ETFA: variants seen among roughly 807,000 people sequenced by gnomAD.
The protein encoded by ETFA is electron transfer flavoprotein subunit alpha, also known as electron transfer flavoprotein subunit alpha, mitochondrial.
Under a neutral mutation model 46.2 loss-of-function variants are expected in ETFA, and 22 were observed. The observed-to-expected ratio is 0.48, with a 90% CI of 0.34 to 0.68. The LOEUF is 0.68. ETFA is among the 30% of genes least tolerant of loss of function. The pLI, the probability that ETFA is intolerant of heterozygous loss-of-function variation, is 0.01. For missense variants in ETFA, 345 were observed against 401.1 expected (o/e 0.86, Z 1.19); for synonymous variants, 131 against 139.9 (o/e 0.94, Z 0.45).
chr15:76,254,281 T>C (rs1213673271), intron 9 of ETFA, among the ~76,000 whole-genome samples: 1 of 152,152 alleles, frequency 6.6e-6, no homozygotes, highest in Non-Finnish European at 1.5e-5. Context: ...ACAAACTCTG[T>C]ACATACACTC....
intron 4 of ETFA, among the ~76,000 whole-genome samples, 197 bp from the exon 5 acceptor site, chr15:76,288,142 T>C (rs1006716528): frequency 6.6e-6 from 1 of 152,230 alleles, no homozygotes; most frequent in Non-Finnish European, 1.5e-5. Flanking sequence ...TTACCATTAC[T>C]CTAACTACAT....
intron 9 of ETFA, among the ~76,000 whole-genome samples, chr15:76,252,680 G>A (rs2039310051): frequency 6.6e-6 from 1 of 152,136 alleles, no homozygotes; most frequent in South Asian, 2.1e-4. Context: ...TAGGCTAACT[G>A]ATAAAACTGG....
At chr15:76,270,932 G>A (rs993046913) in intron 9 of ETFA, among the ~76,000 whole-genome samples, 2 of 152,164 alleles carry the variant, frequency 1.3e-5, no homozygotes, top group Non-Finnish European at 2.9e-5. Context: ...CACTTTGGGA[G>A]ACCAAGGTGG....
At chr15:76,250,131 A>G (rs558566044) in intron 9 of ETFA, among the ~76,000 whole-genome samples, 2 of 152,354 alleles carry the variant, frequency 1.3e-5, no homozygotes, top group East Asian at 1.9e-4. Context: ...TGATAAATTC[A>G]TATAATAGAA....
chr15:76,288,510 A>G (rs1309812844), intron 4 of ETFA, among the ~76,000 whole-genome samples: 1 of 152,068 alleles, frequency 6.6e-6, no homozygotes, highest in Non-Finnish European at 1.5e-5. Flanking sequence ...TTTGAGACCA[A>G]TGTGGCCAAC....
At position 76,295,584 on chromosome 15, in the gene ETFA, T is replaced by G. The variant is rs184587113; in HGVS notation, c.186+7A>C. 3.1e-6 allele frequency: 5 copies of G among 1,612,506 alleles called. No homozygotes were observed. The highest frequency in any genetic ancestry group is 1.1e-5 in the South Asian group (1 of 91,048). On this transcript the variant is annotated splice_region_variant and intron_variant, in intron 2 of 11. Transcript: ENST00000557943. Reference sequence around the variant, plus strand: ...ATTTGCTATGGCTGACCTTAAAAATTTCTCACCTTGTCACATTTGGTTCCA... The same window carrying G: ...ATTTGCTATGGCTGACCTTAAAAATGTCTCACCTTGTCACATTTGGTTCCA...
At chr15:76,306,379 G>T (rs2039940956) in intron 1 of ETFA, among the ~76,000 whole-genome samples, 1 of 147,916 alleles carries the variant, frequency 6.8e-6, no homozygotes, top group Admixed American at 7.0e-5. Flanking sequence ...CAATTCTCCT[G>T]CCTCAGCCTC....
chr15:76,295,004 C>T (rs2039802955), intron 2 of ETFA, among the ~76,000 whole-genome samples: 1 of 152,178 alleles, frequency 6.6e-6, no homozygotes, highest in Non-Finnish European at 1.5e-5. Context: ...AACTGAAGCA[C>T]TCATCTATAT....
At chr15:76,302,334 A>G (rs1459046477) in intron 1 of ETFA, among the ~76,000 whole-genome samples, 2 of 152,100 alleles carry the variant, frequency 1.3e-5, no homozygotes, top group African/African-American at 2.4e-5. Flanking sequence ...TTCAGCAGTA[A>G]CAAGAAATGA....
At chr15:76,297,147 T>C (rs148255862) in intron 1 of ETFA, among the ~76,000 whole-genome samples, 4 of 152,214 alleles carry the variant, frequency 2.6e-5, no homozygotes, top group Non-Finnish European at 5.9e-5. Flanking sequence ...AGCTGGAAAC[T>C]TAAAAGGAGG....
chr15:76,225,758 G>C (rs1451095268), intron 11 of ETFA, 91 bp downstream of exon 11: 1 of 860,828 alleles, frequency 1.2e-6, no homozygotes, highest in Non-Finnish European at 2.0e-6. Flanking sequence ...AACACACAAT[G>C]TTTTCTTTTA....
chr15:76,262,029 A>G (rs1048426170), intron 9 of ETFA, among the ~76,000 whole-genome samples: 1 of 152,212 alleles, frequency 6.6e-6, no homozygotes, highest in African/African-American at 2.4e-5. Flanking sequence ...GATGTAAAGT[A>G]AAATATCTGT....
intron 9 of ETFA, among the ~76,000 whole-genome samples, chr15:76,235,299 G>A (rs568865853): frequency 6.6e-6 from 1 of 152,256 alleles, no homozygotes; most frequent in African/African-American, 2.4e-5. Context: ...GGTAGCCTCA[G>A]GACTACCATG....
rs1157687784 is a variant in ETFA at position 76,295,936 on chromosome 15, C to CTTTTTTTTTTTTTTTTTTTTTTTTTTT, written c.40-200_40-199insAAAAAAAAAAAAAAAAAAAAAAAAAAA. ...TGTCTATCACTGTACCACTAATATT[C>CTTTTTTTTTTTTTTTTTTTTTTTTTTT]TTTTTTTTTTTTTTTTTTTTTTTGA... On this transcript the variant is annotated intron_variant, in intron 1 of 11. Coordinates refer to ENST00000557943, the MANE Select transcript of ETFA (RefSeq NM_000126.4). Among the ~76,000 whole-genome samples the CTTTTTTTTTTTTTTTTTTTTTTTTTTT allele has an allele frequency of 7.1e-3, 330 of 46,594 alleles. 102 individuals carry two copies. Among genetic ancestry groups the CTTTTTTTTTTTTTTTTTTTTTTTTTTT allele is most frequent in the Middle Eastern group, 0.026 (1 of 38 alleles). 30.6% of individuals were successfully genotyped at this position (46,594 alleles called of 152,430 possible). A position where few individuals can be genotyped will look rare whatever the true frequency, so the allele number is the denominator to read the frequency against.
intron 9 of ETFA, among the ~76,000 whole-genome samples, chr15:76,240,051 G>T (rs1179535960): frequency 6.6e-6 from 1 of 152,192 alleles, no homozygotes; most frequent in South Asian, 2.1e-4. Context: ...TATTTTTGTT[G>T]TTGTTGTTGA....
chr15:76,280,075 T>C (rs1278087774), intron 8 of ETFA, among the ~76,000 whole-genome samples: 4 of 151,778 alleles, frequency 2.6e-5, no homozygotes, highest in Non-Finnish European at 5.9e-5. Flanking sequence ...GGGACCTCTT[T>C]TTTTATCTAC....
rs369915157 is a variant in ETFA, at chr15:76,295,550, G to A, written c.186+41C>T. The A allele has an allele frequency of 3.2e-6, 5 of 1,552,512 alleles. No individual in the cohort carries two copies. The African/African-American group carries it at 4.1e-5, about 13-fold the overall frequency. Reference sequence around the variant, plus strand: ...TTGCCATCTTTTCCTGTCTCTTGATGGAGATAATATTTGCTATGGCTGACC... The same window carrying A: ...TTGCCATCTTTTCCTGTCTCTTGATAGAGATAATATTTGCTATGGCTGACC... On this transcript the variant is annotated intron_variant, in intron 2 of 11. Coordinates refer to ENST00000557943, the MANE Select transcript of ETFA (RefSeq NM_000126.4).
At chr15:76,302,529 G>C (rs967277363) in intron 1 of ETFA, among the ~76,000 whole-genome samples, 1 of 135,480 alleles carries the variant, frequency 7.4e-6, no homozygotes, top group Non-Finnish European at 1.6e-5. Flanking sequence ...TGTTGTTGTT[G>C]TTTTGTTTTT....
intron 9 of ETFA, among the ~76,000 whole-genome samples, chr15:76,233,152 T>C (rs1032989036): frequency 6.6e-6 from 1 of 152,048 alleles, no homozygotes; most frequent in South Asian, 2.1e-4. Context: ...AAAAAGCAAT[T>C]GCATGCTCTG....
Sources: gnomAD v4.1 joint callset for allele counts (sites outside exome capture counted in the v4.1 genomes callset) on GRCh38, gnomAD v4.1.1 for gene constraint, MANE v1.5 for transcripts, NCBI Gene and HGNC (gene_info 2026-07-23, HGNC 2026-07-21) for gene names.